The following ZNF385D variants were observed in gnomAD, a reference collection of about 807,000 sequenced individuals.
The protein encoded by ZNF385D is zinc finger protein 659.
In ZNF385D, 15 loss-of-function variants were observed where a neutral mutation model predicts 35.8. The ratio of observed to expected loss-of-function variants is 0.42; its 90% confidence interval spans 0.28 to 0.64. The LOEUF (loss-of-function observed/expected upper bound fraction) is 0.64, where lower values mean the gene tolerates loss of function less well. Among genes scored for constraint, ZNF385D ranks in the 30% least tolerant of loss-of-function variants. The pLI, the probability that ZNF385D is intolerant of heterozygous loss-of-function variation, is 0.23. For missense variants in ZNF385D, 474 were observed against 494.6 expected, an observed-to-expected ratio of 0.96 and a Z score of 0.39; for synonymous variants, 212 against 186.8, an observed-to-expected ratio of 1.13 and a Z score of -1.10.
chr3:21,778,945 A>G lies in ZNF385D; in HGVS notation c.326-113917T>C, dbSNP rs1253088159. The stretch of plus-strand genomic sequence containing the variant: ...ATCCCTGCTTTTCTAAAGACAACAA[A>G]CCTAGCCTGTTACAGCAGTGAGAAC... On this transcript the variant is annotated intron_variant, in intron 3 of 5. Coordinates refer to the ZNF385D transcript ENST00000494108. Among the ~76,000 whole-genome samples the G allele has an allele frequency of 2.0e-5, 3 of 151,910 alleles. No homozygotes were observed. In the East Asian group the frequency reaches 5.8e-4, roughly 29 times the overall value.
intron 3 of ZNF385D, among the ~76,000 whole-genome samples, chr3:21,908,150 CTA>C (rs1559743402): frequency 2.0e-5 from 3 of 150,408 alleles, no homozygotes; most frequent in Non-Finnish European, 3.0e-5. Flanking sequence ...ATCTATCTAT[CTA>C]TCTATCTATC....
At chr3:21,860,166 AAG>A (rs1246185971) in intron 3 of ZNF385D, among the ~76,000 whole-genome samples, 5 of 152,078 alleles carry the variant, frequency 3.3e-5, no homozygotes, top group Admixed American at 2.6e-4. Flanking sequence ...GTATTTCTAA[AAG>A]AGGTTGTTTT....
chr3:21,815,436 G>A (rs572862420), intron 3 of ZNF385D, among the ~76,000 whole-genome samples: 1 of 152,116 alleles, frequency 6.6e-6, no homozygotes, highest in Non-Finnish European at 1.5e-5. Flanking sequence ...TAGACCACTA[G>A]CAAGACTAAT....
intron 2 of ZNF385D, among the ~76,000 whole-genome samples, chr3:22,274,496 C>A (rs188345563): frequency 1.2e-4 from 18 of 152,040 alleles, no homozygotes; most frequent in Admixed American, 7.9e-4. Flanking sequence ...GATAATTCGA[C>A]TTCCTATAAA....
chr3:22,301,715 C>T (rs1219513336), intron 2 of ZNF385D, among the ~76,000 whole-genome samples: 1 of 151,992 alleles, frequency 6.6e-6, no homozygotes, highest in Non-Finnish European at 1.5e-5. Context: ...ATTTCTTACC[C>T]TTGTGTCTGC....
chr3:21,825,984 A>G (rs1423709810), intron 3 of ZNF385D, among the ~76,000 whole-genome samples: 2 of 152,094 alleles, frequency 1.3e-5, no homozygotes, highest in Non-Finnish European at 2.9e-5. Context: ...GGGGCTAGAG[A>G]ATCTAATGCC....
intron 2 of ZNF385D, among the ~76,000 whole-genome samples, chr3:22,264,588 CT>C (rs1301455183): frequency 3.3e-5 from 5 of 151,890 alleles, no homozygotes; most frequent in Non-Finnish European, 7.4e-5. Flanking sequence ...CACTTCCTTG[CT>C]TCATTTACAT....
intron 3 of ZNF385D, among the ~76,000 whole-genome samples, chr3:22,010,325 C>A (rs1164636176): frequency 6.6e-6 from 1 of 152,062 alleles, no homozygotes; most frequent in Non-Finnish European, 1.5e-5. Context: ...TGAAGTGGGG[C>A]AAATCAAAAT....
intron 2 of ZNF385D, among the ~76,000 whole-genome samples, chr3:22,216,849 A>C (rs572063096): frequency 1.3e-5 from 2 of 152,224 alleles, no homozygotes; most frequent in East Asian, 3.9e-4. Flanking sequence ...TGCCCAAAAA[A>C]GCCTCCCATG....
At chr3:22,234,080 A>G (rs1699044297) in intron 2 of ZNF385D, among the ~76,000 whole-genome samples, 1 of 152,148 alleles carries the variant, frequency 6.6e-6, no homozygotes, top group African/African-American at 2.4e-5. Context: ...CTAATTAAAA[A>G]TTTCAAAACA....
intron 2 of ZNF385D, among the ~76,000 whole-genome samples, chr3:22,237,700 G>C (rs989199206): frequency 2.6e-5 from 4 of 152,122 alleles, no homozygotes; most frequent in African/African-American, 9.7e-5. Flanking sequence ...CTGCAGTGCA[G>C]TGGCACGATC....
chr3:21,874,988 CTT>C (rs34505652), intron 3 of ZNF385D, among the ~76,000 whole-genome samples: 1 of 151,660 alleles, frequency 6.6e-6, no homozygotes, highest in East Asian at 1.9e-4. Context: ...ATTTTGATGC[CTT>C]TTTTTATTTT....
chr3:21,582,000 G>C (rs4858335), intron 2 of ZNF385D, among the ~76,000 whole-genome samples: 116,339 of 152,108 alleles, frequency 0.76, 44,834 homozygotes, highest in African/African-American at 0.86. Flanking sequence ...CCAATGTTCT[G>C]TCTTCCACCA....
At chr3:21,740,125 G>A (rs890734762) in intron 1 of ZNF385D, among the ~76,000 whole-genome samples, 1 of 152,106 alleles carries the variant, frequency 6.6e-6, no homozygotes, top group Admixed American at 6.5e-5. Context: ...TAAGTCCCAG[G>A]CAACATGGAA....
At chr3:22,253,238 C>T (rs751424776) in intron 2 of ZNF385D, among the ~76,000 whole-genome samples, 1 of 151,768 alleles carries the variant, frequency 6.6e-6, no homozygotes, top group African/African-American at 2.4e-5. Flanking sequence ...TCAGAAGGTT[C>T]TAAACGGATA....
At chr3:21,717,168 T>C (rs1281874587) in intron 1 of ZNF385D, among the ~76,000 whole-genome samples, 1 of 152,116 alleles carries the variant, frequency 6.6e-6, no homozygotes, top group Non-Finnish European at 1.5e-5. Context: ...CACTGAATAC[T>C]GGGTTAATAA....
chr3:21,947,116 G>T (rs138161947), intron 3 of ZNF385D, among the ~76,000 whole-genome samples: 136 of 152,196 alleles, frequency 8.9e-4, no homozygotes, highest in African/African-American at 3.1e-3. Flanking sequence ...AAATATTTCA[G>T]TTTGCACTCA....
chr3:22,274,034 A>G (rs1019740908), intron 2 of ZNF385D, among the ~76,000 whole-genome samples: 1 of 152,032 alleles, frequency 6.6e-6, no homozygotes, highest in African/African-American at 2.4e-5. Context: ...TAGTAAGCAT[A>G]TAAACAATAT....
At chr3:21,492,559 G>A (rs1453519134) in intron 4 of ZNF385D, among the ~76,000 whole-genome samples, 1 of 151,410 alleles carries the variant, frequency 6.6e-6, no homozygotes, top group Non-Finnish European at 1.5e-5. Context: ...AAGAAAGGAG[G>A]ATCACTTGAG....
Sources: allele counts gnomAD v4.1 joint callset (sites outside exome capture counted in the v4.1 genomes callset), GRCh38; gene constraint gnomAD v4.1.1; transcripts MANE v1.5; gene names NCBI Gene and HGNC (gene_info 2026-07-23, HGNC 2026-07-21).